Variants in RNF128 observed in about 807,000 individuals in gnomAD.
RNF128 encodes the protein ring finger protein 128, also known as E3 ubiquitin-protein ligase RNF128.
Under a neutral mutation model 26.2 loss-of-function variants are expected in RNF128, and 13 were observed. That is an observed-to-expected ratio of 0.50 (90% confidence interval 0.32 to 0.79). RNF128 has a LOEUF of 0.79. Among genes scored for constraint, RNF128 ranks in the 30% least tolerant of loss-of-function variants. RNF128 has a pLI of 0.03. For missense variants in RNF128, 315 were observed against 349.7 expected (o/e 0.90, Z 0.79); for synonymous variants, 149 against 142.5 (o/e 1.05, Z -0.32).
intron 2 of RNF128, among the ~76,000 whole-genome samples, chrX:106,774,279 A>G (rs1475018497): frequency 7.1e-5 from 8 of 112,040 alleles, no homozygotes; most frequent in African/African-American, 1.9e-4. Context: ...CTTCTCATCT[A>G]TCTTCATCTG....
At chrX:106,778,041 AAC>A (rs1000098252) in intron 2 of RNF128, among the ~76,000 whole-genome samples, 1 of 111,786 alleles carries the variant, frequency 8.9e-6, no homozygotes, top group Non-Finnish European at 1.9e-5. Context: ...TTATTGTACA[AAC>A]ACAGTATATA....
At chrX:106,795,516 T>C in intron 6 of RNF128, 64 bp from the exon 7 acceptor site, 3 of 1,055,507 alleles carry the variant, frequency 2.8e-6, no homozygotes, top group East Asian at 6.2e-5. Flanking sequence ...GAAGTAAATG[T>C]TGAATTTTGT....
At chrX:106,708,530 A>C (rs1320878939) in intron 1 of RNF128, among the ~76,000 whole-genome samples, 1 of 112,375 alleles carries the variant, frequency 8.9e-6, no homozygotes, top group Non-Finnish European at 1.9e-5. Context: ...CCAGTGTTTA[A>C]TCTAAGTTTA....
At chrX:106,752,730 A>C (rs1279929476) in intron 1 of RNF128, among the ~76,000 whole-genome samples, 1 of 111,807 alleles carries the variant, frequency 8.9e-6, no homozygotes, top group Non-Finnish European at 1.9e-5. Flanking sequence ...CCAGTGACCA[A>C]TCCCAGAGTA....
At chrX:106,721,084 A>G (rs1210508320) in intron 1 of RNF128, among the ~76,000 whole-genome samples, 7 of 112,077 alleles carry the variant, frequency 6.2e-5, no homozygotes, top group Admixed American at 2.8e-4. Flanking sequence ...TTTGCAAGTG[A>G]CATTATGTTA....
intron 1 of RNF128, among the ~76,000 whole-genome samples, chrX:106,699,103 A>C (rs1368422119): frequency 8.9e-6 from 1 of 112,084 alleles, no homozygotes; most frequent in Non-Finnish European, 1.9e-5. Context: ...AGCCCAGGCC[A>C]AAATCATCTC....
At chrX:106,792,695 C>A (rs1930849388) in intron 6 of RNF128, among the ~76,000 whole-genome samples, 2 of 111,433 alleles carry the variant, frequency 1.8e-5, no homozygotes, top group African/African-American at 6.5e-5. Context: ...AGACTGACAC[C>A]TCTTTGAGAA....
chrX:106,792,283 G>A (rs1930840961), intron 6 of RNF128, among the ~76,000 whole-genome samples: 1 of 107,056 alleles, frequency 9.3e-6, no homozygotes, highest in African/African-American at 3.4e-5. Flanking sequence ...AAAGATAAAA[G>A]AGAGTGTACG....
exon 1 of RNF128, chrX:106,694,293 A>G (rs145227979): frequency 8.3e-7 from 1 of 1,210,388 alleles, no homozygotes; most frequent in Admixed American, 2.2e-5. Flanking sequence ...TGATAGAAAG[A>G]GGTAATTGTA....
At chrX:106,751,112 GAATCAAA>G (rs1276388237) in intron 1 of RNF128, among the ~76,000 whole-genome samples, 1 of 111,539 alleles carries the variant, frequency 9.0e-6, no homozygotes, top group East Asian at 2.8e-4. Context: ...ATCTTTGTAA[GAATCAAA>G]AATCAGGTGA....
upstream of RNF128, among the ~76,000 whole-genome samples, chrX:106,724,665 T>C (rs1324183598): frequency 8.9e-6 from 1 of 112,014 alleles, no homozygotes; most frequent in Admixed American, 9.5e-5. Flanking sequence ...CCTAGAAAAG[T>C]TTACTGTCTC....
upstream of RNF128, among the ~76,000 whole-genome samples, chrX:106,725,563 AT>A (rs949070526): frequency 2.7e-5 from 3 of 112,443 alleles, no homozygotes; most frequent in African/African-American, 9.7e-5. Context: ...TTTCTCTGAT[AT>A]TACCTCAAAT....
At chrX:106,792,479 A>G (rs1240354647) in intron 6 of RNF128, among the ~76,000 whole-genome samples, 1 of 110,798 alleles carries the variant, frequency 9.0e-6, no homozygotes, top group African/African-American at 3.3e-5. Flanking sequence ...GATGATAGTA[A>G]TACTCACCCA....
rs555140182 is a variant in RNF128 at position 106,733,927 on chromosome X, C to T, written c.484+6530C>T. On this transcript the variant is annotated intron_variant, in intron 1 of 6. Coordinates refer to ENST00000255499, the MANE Select transcript of RNF128 (RefSeq NM_194463.2). ...TGTTGGCCAGGCTGGTCTCTAACGC[C>T]TGACCTCAAGTTATCTGCCTGCTTT... is the stretch of plus-strand genomic sequence containing the variant. Among the ~76,000 whole-genome samples, 18 of 111,778 alleles carry T rather than the reference C, an allele frequency of 1.6e-4. 1 individual carries two copies. Among genetic ancestry groups the T allele is most frequent in the African/African-American group, 5.5e-4 (17 of 30,781 alleles).
upstream of RNF128, chrX:106,726,669 ACGCTAAAGCCCCAGAGCCCGACG>A: frequency 1.0e-6 from 1 of 991,919 alleles, no homozygotes; most frequent in Non-Finnish European, 1.3e-6. Flanking sequence ...GCGGAGCTTC[ACGCTAAAGCCCCAGAGCCCGACG>A]CGGCAGCCGC....
chrX:106,738,788 CTA>C (rs770497324), intron 1 of RNF128, among the ~76,000 whole-genome samples: 111 of 111,393 alleles, frequency 1.0e-3, no homozygotes, highest in African/African-American at 3.4e-3. Flanking sequence ...ATAATTGTCT[CTA>C]TGTCATAGGG....
At chrX:106,758,242 T>C (rs779534348) in intron 1 of RNF128, among the ~76,000 whole-genome samples, 2 of 111,220 alleles carry the variant, frequency 1.8e-5, no homozygotes, top group Admixed American at 1.9e-4. Context: ...AGCTCTACAA[T>C]GAAAACTGTA....
chrX:106,727,994 T>C (rs1260197520), intron 1 of RNF128, among the ~76,000 whole-genome samples: 1 of 111,528 alleles, frequency 9.0e-6, no homozygotes, highest in East Asian at 2.8e-4. Context: ...TTCTGAAAAA[T>C]CTGATTTAGG....
chrX:106,786,595 G>T (rs1930662576), intron 3 of RNF128, among the ~76,000 whole-genome samples: 2 of 111,062 alleles, frequency 1.8e-5, no homozygotes, highest in South Asian at 7.4e-4. Context: ...AAAGAAAAAA[G>T]TTGATACATT....
Sources: allele counts gnomAD v4.1 joint callset (sites outside exome capture counted in the v4.1 genomes callset), GRCh38; gene constraint gnomAD v4.1.1; transcripts MANE v1.5; gene names NCBI Gene and HGNC (gene_info 2026-07-23, HGNC 2026-07-21).